COP1: variants seen among roughly 807,000 people sequenced by gnomAD.
The protein encoded by COP1 is COP1 E3 ubiquitin ligase.
In COP1, 24 loss-of-function variants were observed where a neutral mutation model predicts 101.3. The ratio of observed to expected loss-of-function variants is 0.24; its 90% CI spans 0.17 to 0.33. The LOEUF is 0.33. Among genes scored for constraint, COP1 ranks in the 10% least tolerant of loss-of-function variants. The probability of loss-of-function intolerance (pLI) is 1.00; values close to 1 mark genes in which losing one functional copy is unlikely to be tolerated. For missense variants in COP1, 663 were observed against 906.2 expected, an observed-to-expected ratio of 0.73 and a Z score of 3.45; for synonymous variants, 347 against 341.9, an observed-to-expected ratio of 1.01 and a Z score of -0.17.
rs142200350 is a variant in COP1 at position 176,060,003 on chromosome 1, T to C, written c.1278-13679A>G. Among the ~76,000 whole-genome samples, 357 of 152,348 alleles carry C rather than the reference T, an allele frequency of 2.3e-3. 2 individuals are homozygous for C. Among genetic ancestry groups the C allele is most frequent in the African/African-American group, 8.1e-3 (338 of 41,586 alleles). ...AACTGTTTTTTTAATAGCAACCTGCTAGATAATTGCTGACCTTATTCTGAA... is the reference window on the plus strand; with the variant it reads ...AACTGTTTTTTTAATAGCAACCTGCCAGATAATTGCTGACCTTATTCTGAA... On this transcript the variant is annotated intron_variant, in intron 11 of 19. Coordinates refer to ENST00000367669, the MANE Select transcript of COP1 (RefSeq NM_022457.7).
intron 9 of COP1, among the ~76,000 whole-genome samples, chr1:176,095,236 G>A (rs1682113046): frequency 6.6e-6 from 1 of 152,208 alleles, no homozygotes; most frequent in African/African-American, 2.4e-5. Flanking sequence ...CATACAAGCA[G>A]ATTTAATGAC....
At chr1:176,106,236 G>C (rs749584820) in intron 9 of COP1, among the ~76,000 whole-genome samples, 7 of 151,940 alleles carry the variant, frequency 4.6e-5, no homozygotes, top group Non-Finnish European at 8.8e-5. Context: ...TCTCCATGTC[G>C]GCCAGGCTGG....
intron 18 of COP1, among the ~76,000 whole-genome samples, chr1:175,980,277 A>C (rs1655517074): frequency 8.0e-6 from 1 of 124,650 alleles, no homozygotes. Context: ...CATGAACACA[A>C]ATACAATACA....
chr1:176,082,072 G>A (rs1392022085), intron 10 of COP1, among the ~76,000 whole-genome samples: 2 of 152,072 alleles, frequency 1.3e-5, no homozygotes, highest in African/African-American at 2.4e-5. Flanking sequence ...AGAATACAAC[G>A]AATCTATTCT....
At chr1:176,138,251 A>G (rs780355228) in intron 6 of COP1, among the ~76,000 whole-genome samples, 10 of 152,312 alleles carry the variant, frequency 6.6e-5, no homozygotes, top group Middle Eastern at 6.8e-3. Context: ...CTTAACATCA[A>G]TAAGTATAGT....
intron 9 of COP1, among the ~76,000 whole-genome samples, chr1:176,098,195 C>A (rs1277932173): frequency 6.6e-6 from 1 of 152,112 alleles, no homozygotes; most frequent in Non-Finnish European, 1.5e-5. Flanking sequence ...CTAACCATGC[C>A]CTTAATTATG....
intron 5 of COP1, among the ~76,000 whole-genome samples, chr1:176,156,496 C>A (rs1693470136): frequency 6.6e-6 from 1 of 152,098 alleles, no homozygotes; most frequent in Admixed American, 6.5e-5. Context: ...CAATTCACTG[C>A]ACTTATTAGA....
intron 18 of COP1, among the ~76,000 whole-genome samples, chr1:175,964,732 C>CA (rs1651787443): frequency 6.6e-6 from 1 of 152,150 alleles, no homozygotes; most frequent in South Asian, 2.1e-4. Flanking sequence ...ACAGTATCTG[C>CA]AAATACAGCT....
intron 16 of COP1, chr1:175,989,042 T>A (rs887385089): frequency 1.0e-5 from 2 of 199,034 alleles, no homozygotes; most frequent in African/African-American, 2.3e-5. Flanking sequence ...ATGTTGTTTA[T>A]CTCTTCTTTA....
intron 9 of COP1, among the ~76,000 whole-genome samples, chr1:176,098,454 C>A (rs75697563): frequency 6.6e-6 from 1 of 151,886 alleles, no homozygotes; most frequent in Admixed American, 6.6e-5. Context: ...TTTAACAGAG[C>A]GAGACTCCAT....
intron 9 of COP1, among the ~76,000 whole-genome samples, chr1:176,090,216 TC>T (rs1302962470): frequency 6.6e-6 from 1 of 152,114 alleles, no homozygotes; most frequent in Non-Finnish European, 1.5e-5. Context: ...CCACCCCCTG[TC>T]CCTGCCTGCT....
Position 176,018,380 on chromosome 1 carries a change from G to A in COP1, c.1729+9192C>T, listed in dbSNP as rs372877977. The A allele has an allele frequency of 5.3e-5, 8 of 152,220 alleles. No individual in the cohort carries two copies. The South Asian group carries it at 1.0e-3, about 20-fold the overall frequency. 9.4% of individuals were successfully genotyped at this position (152,220 alleles called of 1,614,324 possible). ...ATGTACATTTTCCCACAATTAAAAA[G>A]AAGTCTCAGTTAAGAAAGAGTAGCA... On this transcript the variant is annotated intron_variant, in intron 15 of 19. Coordinates refer to ENST00000367669, the MANE Select transcript of COP1 (RefSeq NM_022457.7).
intron 2 of COP1, among the ~76,000 whole-genome samples, chr1:176,179,442 G>A (rs1558268811): frequency 6.6e-6 from 1 of 152,184 alleles, no homozygotes; most frequent in Non-Finnish European, 1.5e-5. Context: ...AAGTCAGAGA[G>A]GAGTTTGTTA....
chr1:176,103,618 A>G (rs977372389), intron 9 of COP1, among the ~76,000 whole-genome samples: 1 of 152,248 alleles, frequency 6.6e-6, no homozygotes, highest in Non-Finnish European at 1.5e-5. Flanking sequence ...TCACAGCTCA[A>G]AAAGTTTCAA....
intron 15 of COP1, among the ~76,000 whole-genome samples, chr1:175,991,930 G>C (rs1274362151): frequency 2.0e-5 from 3 of 152,106 alleles, no homozygotes. Flanking sequence ...GCCTGAGGCT[G>C]TTGTATAGTA....
At chr1:176,002,660 T>G (rs1268095289) in intron 15 of COP1, among the ~76,000 whole-genome samples, 2 of 149,774 alleles carry the variant, frequency 1.3e-5, no homozygotes, top group African/African-American at 2.5e-5. Flanking sequence ...TCCAATTTCA[T>G]CTATGTCCCT....
chr1:175,992,037 G>C (rs573071290), intron 15 of COP1, among the ~76,000 whole-genome samples: 1 of 152,178 alleles, frequency 6.6e-6, no homozygotes, highest in Non-Finnish European at 1.5e-5. Context: ...ATCAAGTATT[G>C]TGTAGTATAC....
At chr1:176,095,062 C>T (rs1682080332) in intron 9 of COP1, among the ~76,000 whole-genome samples, 1 of 152,118 alleles carries the variant, frequency 6.6e-6, no homozygotes, top group African/African-American at 2.4e-5. Flanking sequence ...TGACTGAAAC[C>T]TGAAATTTTT....
At chr1:176,149,874 T>A (rs1490570380) in intron 5 of COP1, among the ~76,000 whole-genome samples, 1 of 152,018 alleles carries the variant, frequency 6.6e-6, no homozygotes, top group Non-Finnish European at 1.5e-5. Context: ...TGAACAAACA[T>A]CATTCTAATT....
Sources: allele counts gnomAD v4.1 joint callset (sites outside exome capture counted in the v4.1 genomes callset), GRCh38; gene constraint gnomAD v4.1.1; transcripts MANE v1.5; gene names NCBI Gene and HGNC (gene_info 2026-07-23, HGNC 2026-07-21).